ACIN1: variants seen among roughly 807,000 people sequenced by gnomAD.
ACIN1 encodes apoptotic chromatin condensation inducer 1.
In ACIN1, 16 loss-of-function variants were observed where a neutral mutation model predicts 146.6. The observed-to-expected ratio is 0.11, with a 90% CI of 0.07 to 0.17. The LOEUF is 0.17. Ranked by LOEUF, ACIN1 falls within the 10% of genes least tolerant of loss-of-function variation. The pLI, the probability that ACIN1 is intolerant of heterozygous loss-of-function variation, is 1.00. For missense variants in ACIN1, 1,357 were observed against 1,609.3 expected (o/e 0.84, Z 2.68); for synonymous variants, 569 against 582.7 (o/e 0.98, Z 0.34).
chr14:23,085,123 A>T (rs1220885019), intron 4 of ACIN1, among the ~76,000 whole-genome samples: 1 of 152,062 alleles, frequency 6.6e-6, no homozygotes, highest in African/African-American at 2.4e-5. Flanking sequence ...GTGGGCGATC[A>T]CGAGGTCAGG....
chr14:23,063,187 T>C (rs1384950793), intron 13 of ACIN1, 113 bp from the exon 14 acceptor site: 3 of 1,272,722 alleles, frequency 2.4e-6, no homozygotes. Context: ...CACTCCTTAA[T>C]CTAAACGTGC....
intron 4 of ACIN1, among the ~76,000 whole-genome samples, chr14:23,085,338 AAAC>A (rs753721200): frequency 2.5e-4 from 38 of 152,114 alleles, no homozygotes; most frequent in East Asian, 1.4e-3. Flanking sequence ...CCATCTCAAA[AAAC>A]AACAACAACA....
chr14:23,069,460 T>G lies in ACIN1; in HGVS notation c.2265+16A>C, dbSNP rs1345094768. On this transcript the variant is annotated intron_variant, in intron 9 of 18. Transcript: ENST00000605057. ...ATTCCTGCCCACCCGCCCCAATAGGTGGCTTGGATGTTTACCTCTTTCTTC... is the reference window on the plus strand; with the variant it reads ...ATTCCTGCCCACCCGCCCCAATAGGGGGCTTGGATGTTTACCTCTTTCTTC... The G allele has an allele frequency of 5.6e-6, 9 of 1,611,308 alleles. No individual in the cohort carries two copies. The African/African-American group carries it at 1.2e-4, about 22-fold the overall frequency.
chr14:23,083,993 C>T (rs1244149223), intron 4 of ACIN1, among the ~76,000 whole-genome samples: 1 of 151,582 alleles, frequency 6.6e-6, no homozygotes, highest in African/African-American at 2.4e-5. Flanking sequence ...GTTGCCCAGG[C>T]TGGAGTGCAA....
upstream of ACIN1, chr14:23,095,461 C>G: frequency 1.1e-6 from 1 of 933,300 alleles, no homozygotes; most frequent in South Asian, 1.8e-5. Flanking sequence ...AGATGAGGCG[C>G]TGGGGCGCTT....
At chr14:23,063,148 A>C in intron 13 of ACIN1, 74 bp from the exon 14 acceptor site, 114 of 1,451,564 alleles carry the variant, frequency 7.9e-5, no homozygotes, top group Non-Finnish European at 9.8e-5. Context: ...TGTAACTCTC[A>C]CGGTTCCCTT....
At chr14:23,079,418 TC>T in intron 6 of ACIN1, 128 bp downstream of exon 6, 1 of 1,428,138 alleles carries the variant, frequency 7.0e-7, no homozygotes, top group South Asian at 1.4e-5. Context: ...GAGAAAGTAA[TC>T]AGTGAAGGAG....
chr14:23,084,558 C>T (rs547480916), intron 4 of ACIN1, among the ~76,000 whole-genome samples: 6 of 149,812 alleles, frequency 4.0e-5, no homozygotes, highest in Admixed American at 4.0e-4. Flanking sequence ...TGTAGTGAGC[C>T]GAGATGGCGC....
intron 4 of ACIN1, among the ~76,000 whole-genome samples, chr14:23,088,597 C>A (rs2048145902): frequency 6.6e-6 from 1 of 152,192 alleles, no homozygotes; most frequent in African/African-American, 2.4e-5. Flanking sequence ...ATCAGAAGAG[C>A]TGGAAACCTC....
In ACIN1 at chr14:23,090,118, G is replaced by T. The variant is rs529084096; in HGVS notation, c.317-17C>A. Reference sequence around the variant, plus strand: ...CTGAAGCTTCTGCAAAGTACAGATCGGGTCGGGGCAGGGAGGGAGTGAAGG... The same window carrying T: ...CTGAAGCTTCTGCAAAGTACAGATCTGGTCGGGGCAGGGAGGGAGTGAAGG... On this transcript the variant is annotated splice_polypyrimidine_tract_variant and intron_variant, in intron 3 of 18. Transcript: ENST00000605057. 1.9e-6 allele frequency: 3 copies of T among 1,610,742 alleles called. No individual in the cohort carries two copies. The highest frequency in any genetic ancestry group is 2.5e-6 in the Non-Finnish European group (3 of 1,177,910).
chr14:23,068,893 G>A lies in ACIN1; in HGVS notation c.2265+583C>T, dbSNP rs1440443034. 1.0e-6 allele frequency: 1 copy of A among 985,352 alleles called. No individual in the cohort carries two copies. The highest frequency in any genetic ancestry group is 1.7e-5 in the African/African-American group (1 of 57,246). 61.0% of individuals were successfully genotyped at this position (985,352 alleles called of 1,614,324 possible). A position where few individuals can be genotyped will look rare whatever the true frequency, so the allele number is the denominator to read the frequency against. On this transcript the variant is annotated intron_variant, in intron 9 of 18. Transcript: ENST00000605057. This position sits in a 1 kb window ranked among gnomAD's most constrained non-coding sequence, Gnocchi z 4.3. ...CTGGCTCTGATGGGGGAAGCCCCCTGAAGTGGGTGCAGGACACAAGATAAC... is the reference window on the plus strand; with the variant it reads ...CTGGCTCTGATGGGGGAAGCCCCCTAAAGTGGGTGCAGGACACAAGATAAC...
chr14:23,067,125 T>C lies in ACIN1; in HGVS notation c.2266-1117A>G, dbSNP rs1029702429. ...GGGCCGCTCTCGATGGGTAAGTTAG[T>C]GAGAAAAACAAAACAAAAAAAAAGG... is the stretch of plus-strand genomic sequence containing the variant. On this transcript the variant is annotated intron_variant, in intron 9 of 18. Coordinates refer to ENST00000605057, the MANE Select transcript of ACIN1 (RefSeq NM_001386863.1). The surrounding 1 kb of genome is among the most constrained non-coding windows in gnomAD (Gnocchi z 4.6). 1.4e-5 allele frequency among the ~76,000 whole-genome samples: 2 copies of C among 141,966 alleles called. No homozygotes were observed. Among genetic ancestry groups the C allele is most frequent in the Admixed American group, 1.4e-4 (2 of 13,828 alleles). The allele number at this position is 141,966 out of a possible 152,430, so 93.1% of individuals were successfully genotyped here. A position where few individuals can be genotyped will look rare whatever the true frequency, so the allele number is the denominator to read the frequency against.
rs1396740845 is a variant in ACIN1 at position 23,059,398 on chromosome 14, T to C, written c.3602A>G (p.Glu1201Gly). ...GGCTTCCTTCTCCCGCTCCTTTTGC[T>C]CTTCTTCTTCTTGCTCCTTTCGCCG... ...EKRRKEQEEE[E>G]QKEREKEAER... The change falls in exon 19 of 19, where the codon GAG becomes GGG. Residue 1201 changes from glutamate to glycine, a missense_variant. Transcript: ENST00000605057. 1.2e-6 allele frequency: 2 copies of C among 1,609,802 alleles called. No individual in the cohort carries two copies. Among genetic ancestry groups the C allele is most frequent in the African/African-American group, 1.3e-5 (1 of 74,890 alleles).
chr14:23,060,364 G>T (rs1016383101), intron 18 of ACIN1, among the ~76,000 whole-genome samples: 1 of 152,096 alleles, frequency 6.6e-6, no homozygotes. Flanking sequence ...GCGTAGATGT[G>T]AACAAATCTC....
In ACIN1 at chr14:23,071,462, GAGA is replaced by G. The variant is rs1383647891; in HGVS notation, c.2124-1848_2124-1846del. On this transcript the variant is annotated intron_variant, in intron 8 of 18. Coordinates refer to ENST00000605057, the MANE Select transcript of ACIN1 (RefSeq NM_001386863.1). Reference sequence around the variant, plus strand: ...GAGTTCGGCTGGATTGGTCTCTCTGGAGAAGGAGGAAGAGGGCCAGGCTGCTGG... The same window carrying G: ...GAGTTCGGCTGGATTGGTCTCTCTGGAGGAGGAAGAGGGCCAGGCTGCTGG... The G allele has an allele frequency of 7.1e-6, 11 of 1,551,750 alleles. No homozygotes were observed. The East Asian group carries it at 9.8e-5, about 14-fold the overall frequency.
In ACIN1 at chr14:23,062,951, T is replaced by C; in HGVS notation, c.2861A>G (p.Asn954Ser). Residue 954 changes from asparagine to serine, a missense_variant, in exon 14 of 19, where the codon AAC (asparagine) becomes AGC (serine). Physicochemically the swap from Asn to Ser is conservative, Grantham distance 46 (BLOSUM62 1). Coordinates refer to ENST00000605057, the MANE Select transcript of ACIN1 (RefSeq NM_001386863.1). The part of the protein sequence containing the change: ...VPSPPRGKIS[N>S]IVHISNLVRP... ...TACCAAATTGGAGATATGGACAATG[T>C]TGCTAATCTTGCCCCGGGGTGGGGA... The C allele has an allele frequency of 6.2e-7, 1 of 1,609,926 alleles. No homozygotes were observed. The highest frequency in any genetic ancestry group is 8.5e-7 in the Non-Finnish European group (1 of 1,178,790).
In ACIN1 at chr14:23,069,345, T is replaced by A. The variant is rs934958506; in HGVS notation, c.2265+131A>T. 2.7e-6 allele frequency: 4 copies of A among 1,459,528 alleles called. No homozygotes were observed. In the South Asian group the frequency reaches 5.9e-5, roughly 22 times the overall value. The allele number at this position is 1,459,528 out of a possible 1,614,324, so 90.4% of individuals were successfully genotyped here. On this transcript the variant is annotated intron_variant, in intron 9 of 18. Transcript: ENST00000605057. ...CCAGCGAATTCTCCCTTGGCCCTAT[T>A]CTGATCCAAGTCCCTGCCTCATCCC...
rs974185778 is a variant in ACIN1, at chr14:23,061,501, C to T, written c.3221G>A (p.Arg1074Gln). The change falls in exon 17 of 19, where the codon CGG (arginine) becomes CAG (glutamine). Residue 1074 changes from arginine (R) to glutamine (Q), a missense_variant. Arg to Gln is a conservative substitution (Grantham distance 43, BLOSUM62 1). Around this residue, in one of 4 missense-constraint regions of ACIN1, gnomAD observed 509 missense variants for 719.6 expected, o/e 0.71. Transcript: ENST00000605057. ...CCGTTCCTGCTCCCGCTGCTCTGCCCGGGGGTGCTGTGGTGGCTGGACCGG... is the reference window on the plus strand; with the variant it reads ...CCGTTCCTGCTCCCGCTGCTCTGCCTGGGGGTGCTGTGGTGGCTGGACCGG... ...PPPVQPPQHP[R>Q]AEQREQERAV... The T allele has an allele frequency of 1.7e-5, 13 of 748,514 alleles. No homozygotes were observed. Among genetic ancestry groups the T allele is most frequent in the South Asian group, 2.0e-5 (1 of 48,788 alleles). 46.4% of individuals were successfully genotyped at this position (748,514 alleles called of 1,614,324 possible).
At chr14:23,077,192 G>A (rs550688539) in intron 8 of ACIN1, among the ~76,000 whole-genome samples, 85 of 152,312 alleles carry the variant, frequency 5.6e-4, no homozygotes, top group African/African-American at 1.8e-3. Context: ...CCAAAAGTCA[G>A]AGTTAAAGTA....
Sources: gnomAD v4.1 joint callset for allele counts (sites outside exome capture counted in the v4.1 genomes callset) on GRCh38, gnomAD v4.1.1 for gene constraint, gnomAD v4.1.1 regional missense constraint, Gnocchi (gnomAD v3.1) non-coding constraint, MANE v1.5 for transcripts, NCBI Gene and HGNC (gene_info 2026-07-23, HGNC 2026-07-21) for gene names.